Variants in TBC1D10B observed in about 807,000 individuals in gnomAD.
TBC1D10B encodes TBC1 domain family member 10B.
Under a neutral mutation model 78.4 loss-of-function variants are expected in TBC1D10B, and 25 were observed. The ratio of observed to expected loss-of-function variants is 0.32; its 90% CI spans 0.23 to 0.45. The LOEUF (loss-of-function observed/expected upper bound fraction) is 0.45. Ranked by LOEUF, TBC1D10B falls within the 20% of genes least tolerant of loss-of-function variation. The probability of loss-of-function intolerance (pLI) is 1.00; values close to 1 mark genes in which losing one functional copy is unlikely to be tolerated. For synonymous variants in TBC1D10B, 517 were observed against 478.0 expected, an observed-to-expected ratio of 1.08 and a Z score of -1.06; for missense variants, 996 against 1,104.8, an observed-to-expected ratio of 0.90 and a Z score of 1.40.
rs780050189 is a variant in TBC1D10B, at chr16:30,358,360, G to T, written c.2011C>A (p.Arg671=). The T allele has an allele frequency of 1.3e-6, 2 of 1,559,074 alleles. No homozygotes were observed. Among genetic ancestry groups the T allele is most frequent in the Non-Finnish European group, 1.7e-6 (2 of 1,151,846 alleles). ...GGGGACGGGGCCCCTCCAGCTGCCC[G>T]GGAGCCTCGGCTCTTGAGGCCAGGG... ...SLPGLKSRGS[R]AAGGAPSPPP... is the part of the protein sequence containing the mutation. Residue 671 remains arginine (R), a synonymous_variant, in exon 9 of 9, where the codon CGG becomes AGG. Transcript: ENST00000409939.
chr16:30,358,325 G>A lies in TBC1D10B; in HGVS notation c.2046C>T (p.Pro682=), dbSNP rs201703707. ...AAGGAPSPPP[P]VRRASAGPAP... ...CAGGCCCAGCACTGGCTCTGCGGAC[G>A]GGGGGCGGCGGGGACGGGGCCCCTC... The change falls in exon 9 of 9, where the codon CCC becomes CCT. Residue 682 remains proline, a synonymous_variant. Transcript: ENST00000409939. The A allele has an allele frequency of 5.0e-5, 79 of 1,566,870 alleles. 2 individuals carry two copies. Among genetic ancestry groups the A allele is most frequent in the African/African-American group, 1.8e-4 (13 of 73,806 alleles).
In TBC1D10B at chr16:30,365,578, C is replaced by T. The variant is rs778049405; in HGVS notation, c.973G>A (p.Val325Met). 3.1e-6 allele frequency: 5 copies of T among 1,613,946 alleles called. No homozygotes were observed. Among genetic ancestry groups the T allele is most frequent in the East Asian group, 2.2e-5 (1 of 44,884 alleles). The change falls in exon 2 of 9, where the codon GTG (valine) becomes ATG (methionine). Residue 325 changes from valine to methionine, a missense_variant. This residue lies in a region of TBC1D10B where 448 missense variants were observed against 442.1 expected (regional missense o/e 1.01). Transcript: ENST00000409939. The surrounding 1 kb of genome is among the most constrained non-coding windows in gnomAD (Gnocchi z 5.0). ...YSGSLESSIP[V>M]DVARQRELKW... ...AGCTCCCGCTGCCGAGCCACGTCCA[C>T]GGGAATGGAGCTCTCTCTGCAGGGT...
Position 30,365,996 on chromosome 16 carries a change from G to A in TBC1D10B, c.957-402C>T, listed in dbSNP as rs966871037. 3.1e-5 allele frequency: 7 copies of A among 226,768 alleles called. No homozygotes were observed. The highest frequency in any genetic ancestry group is 1.3e-4 in the South Asian group (2 of 15,456). The allele number at this position is 226,768 out of a possible 1,614,324, so 14.0% of individuals were successfully genotyped here. ...GTGGAGAAAGTAACAATATCTACCCGAAGGGGTTTATACGAAATAACACAC... is the reference window on the plus strand; with the variant it reads ...GTGGAGAAAGTAACAATATCTACCCAAAGGGGTTTATACGAAATAACACAC... On this transcript the variant is annotated intron_variant, in intron 1 of 8. Transcript: ENST00000409939. The surrounding 1 kb of genome is among the most constrained non-coding windows in gnomAD (Gnocchi z 5.0).
intron 4 of TBC1D10B, chr16:30,360,251 G>C (rs975320064): frequency 2.3e-5 from 4 of 171,706 alleles, no homozygotes; most frequent in African/African-American, 9.5e-5. Context: ...TGGTTCTTGG[G>C]GAAGGCTTGG....
At position 30,359,296 on chromosome 16, in the gene TBC1D10B, A is replaced by C; in HGVS notation, c.1518T>G (p.His506Gln). ...ALLRRASPLA[H>Q]RHLRRQRIDP... Reference sequence around the variant, plus strand: ...CAATGCGCTGCCGCCGCAGGTGGCGATGCGCCAGCGGGGAGGCCCGGCGCA... The same window carrying C: ...CAATGCGCTGCCGCCGCAGGTGGCGCTGCGCCAGCGGGGAGGCCCGGCGCA... Residue 506 changes from histidine to glutamine, a missense_variant, in exon 7 of 9, where the codon CAT (histidine) becomes CAG (glutamine). Physicochemically the swap from His to Gln is conservative, Grantham distance 24. Around this residue, in one of 5 missense-constraint regions of TBC1D10B, gnomAD observed 168 missense variants for 238.7 expected, o/e 0.70. Transcript: ENST00000409939. 1 of 1,605,300 alleles carries C rather than the reference A, an allele frequency of 6.2e-7. No individual in the cohort carries two copies. Among genetic ancestry groups the C allele is most frequent in the South Asian group, 1.1e-5 (1 of 89,738 alleles).
At chr16:30,362,674 G>A (rs967572171) in intron 4 of TBC1D10B, among the ~76,000 whole-genome samples, 3 of 152,156 alleles carry the variant, frequency 2.0e-5, no homozygotes, top group African/African-American at 7.2e-5. Context: ...CATCTGCCCT[G>A]AAATCCAGGT....
In TBC1D10B at chr16:30,365,684, C is replaced by T. The variant is rs915452654; in HGVS notation, c.957-90G>A. On this transcript the variant is annotated intron_variant, in intron 1 of 8. Coordinates refer to ENST00000409939, the MANE Select transcript of TBC1D10B (RefSeq NM_015527.4). The surrounding 1 kb of genome is among the most constrained non-coding windows in gnomAD (Gnocchi z 5.0). ...AACTGAGGCAAGCCACCTCCCCAAG[C>T]TCAAACGAGAAACTGGATAGTCTGT... is the stretch of plus-strand genomic sequence containing the variant. The T allele has an allele frequency of 1.1e-5, 14 of 1,234,096 alleles. No individual in the cohort carries two copies. The African/African-American group carries it at 2.1e-4, about 18-fold the overall frequency. The allele number at this position is 1,234,096 out of a possible 1,614,324, so 76.4% of individuals were successfully genotyped here. A position where few individuals can be genotyped will look rare whatever the true frequency, so the allele number is the denominator to read the frequency against.
In TBC1D10B at chr16:30,370,022, G is replaced by A; in HGVS notation, c.162C>T (p.Ala54=). 1.6e-6 allele frequency: 2 copies of A among 1,231,870 alleles called. No homozygotes were observed. Among genetic ancestry groups the A allele is most frequent in the Non-Finnish European group, 2.0e-6 (2 of 987,724 alleles). 76.3% of individuals were successfully genotyped at this position (1,231,870 alleles called of 1,614,324 possible). Residue 54 remains alanine, a synonymous_variant, in exon 1 of 9, where the codon GCC becomes GCT. Coordinates refer to ENST00000409939, the MANE Select transcript of TBC1D10B (RefSeq NM_015527.4). ...CCCAGGCGGGCCGCGCCTCCCCGGG[G>A]GCCACCAGGGTGACGGGGGCCGAAG... is the stretch of plus-strand genomic sequence containing the variant. ...TATSAPVTLV[A]PGEARPAWVP... is the part of the protein sequence containing the mutation.
At chr16:30,359,423 C>T in intron 6 of TBC1D10B, 62 bp from the exon 7 acceptor site, 1 of 1,545,508 alleles carries the variant, frequency 6.5e-7, no homozygotes, top group Non-Finnish European at 8.8e-7. Flanking sequence ...CAGGGGAGAA[C>T]TGGCCGGCCC....
chr16:30,358,560 G>T lies in TBC1D10B; in HGVS notation c.1811C>A (p.Pro604Gln). Residue 604 changes from proline to glutamine, a missense_variant, in exon 9 of 9, where the codon CCG becomes CAG. Pro to Gln is a moderately conservative substitution (Grantham distance 76). Around this residue, in one of 5 missense-constraint regions of TBC1D10B, gnomAD observed 168 missense variants for 238.7 expected, o/e 0.70. Transcript: ENST00000409939. The part of the protein sequence containing the change: ...DFLVHEVTNL[P>Q]VTEALIEREN... ...CCGCTCAATCAGTGCTTCTGTCACC[G>T]GCAGATTGGTCACCTGCACAGAGAG... is the stretch of plus-strand genomic sequence containing the variant. 2 of 1,599,906 alleles carry T rather than the reference G, an allele frequency of 1.3e-6. No homozygotes were observed. The highest frequency in any genetic ancestry group is 1.7e-6 in the Non-Finnish European group (2 of 1,169,248).
At position 30,370,081 on chromosome 16, in the gene TBC1D10B, C is replaced by T. The variant is rs1330072415; in HGVS notation, c.103G>A (p.Val35Met). ...PRGSRAGPVV[V>M]VAPGPPVTTA... ...GTCACTGGAGGTCCCGGAGCCACCA[C>T]CACGACGGGCCCGGCCCGGGAACCC... Residue 35 changes from valine (V) to methionine (M), a missense_variant, in exon 1 of 9, where the codon GTG becomes ATG. Physicochemically the swap from Val to Met is conservative, Grantham distance 21. This residue lies in a region of TBC1D10B where 448 missense variants were observed against 442.1 expected (regional missense o/e 1.01). Coordinates refer to ENST00000409939, the MANE Select transcript of TBC1D10B (RefSeq NM_015527.4). 2 of 1,225,996 alleles carry T rather than the reference C, an allele frequency of 1.6e-6. No individual in the cohort carries two copies. Among genetic ancestry groups the T allele is most frequent in the African/African-American group, 1.6e-5 (1 of 64,040 alleles). 75.9% of individuals were successfully genotyped at this position (1,225,996 alleles called of 1,614,324 possible). A position where few individuals can be genotyped will look rare whatever the true frequency, so the allele number is the denominator to read the frequency against.
At position 30,369,520 on chromosome 16, in the gene TBC1D10B, C is replaced by T; in HGVS notation, c.664G>A (p.Gly222Arg). 1 of 1,550,914 alleles carries T rather than the reference C, an allele frequency of 6.4e-7. No individual in the cohort carries two copies. Among genetic ancestry groups the T allele is most frequent in the Non-Finnish European group, 8.7e-7 (1 of 1,146,830 alleles). Residue 222 changes from glycine (G) to arginine (R), a missense_variant, in exon 1 of 9, where the codon GGG (glycine) becomes AGG (arginine). Coordinates refer to ENST00000409939, the MANE Select transcript of TBC1D10B (RefSeq NM_015527.4). This position sits in a 1 kb window ranked among gnomAD's most constrained non-coding sequence, Gnocchi z 4.3. ...DPSGPGTGPS[G>R]TCEAPVAVVT... ...ACAGCTACCGGAGCCTCACAAGTCCCAGAGGGGCCTGTGCCAGGGCCTGAG... is the reference window on the plus strand; with the variant it reads ...ACAGCTACCGGAGCCTCACAAGTCCTAGAGGGGCCTGTGCCAGGGCCTGAG...
rs1244078531 is a variant in TBC1D10B, at chr16:30,358,359, C to T, written c.2012G>A (p.Arg671Gln). The change falls in exon 9 of 9, where the codon CGG becomes CAG. Residue 671 changes from arginine to glutamine, a missense_variant. Transcript: ENST00000409939. Reference sequence around the variant, plus strand: ...CGGGGACGGGGCCCCTCCAGCTGCCCGGGAGCCTCGGCTCTTGAGGCCAGG... The same window carrying T: ...CGGGGACGGGGCCCCTCCAGCTGCCTGGGAGCCTCGGCTCTTGAGGCCAGG... ...SLPGLKSRGS[R>Q]AAGGAPSPPP... The T allele has an allele frequency of 1.2e-5, 19 of 1,558,422 alleles. No homozygotes were observed. Among genetic ancestry groups the T allele is most frequent in the South Asian group, 5.9e-5 (5 of 84,644 alleles).
chr16:30,358,592 C>G lies in TBC1D10B; in HGVS notation c.1798-19G>C, dbSNP rs540942260. The G allele has an allele frequency of 1.9e-6, 3 of 1,591,224 alleles. No individual in the cohort carries two copies. Among genetic ancestry groups the G allele is most frequent in the African/African-American group, 1.3e-5 (1 of 74,748 alleles). Reference sequence around the variant, plus strand: ...TGGTCACCTGCACAGAGAGGAAATGCGTACCAGAATGGAGCTGAGGGTGGG... The same window carrying G: ...TGGTCACCTGCACAGAGAGGAAATGGGTACCAGAATGGAGCTGAGGGTGGG... On this transcript the variant is annotated intron_variant, in intron 8 of 8. Transcript: ENST00000409939.
At chr16:30,361,975 T>C (rs2049601947) in intron 4 of TBC1D10B, among the ~76,000 whole-genome samples, 1 of 151,976 alleles carries the variant, frequency 6.6e-6, no homozygotes, top group Admixed American at 6.6e-5. Flanking sequence ...GCCTCCCGAG[T>C]AGCTGCAACT....
chr16:30,362,757 G>C (rs1389161268), intron 4 of TBC1D10B, among the ~76,000 whole-genome samples: 1 of 152,166 alleles, frequency 6.6e-6, no homozygotes, highest in Non-Finnish European at 1.5e-5. Context: ...AATGTTCCCT[G>C]CCGGGCATGG....
chr16:30,358,233 G>A lies in TBC1D10B; in HGVS notation c.2138C>T (p.Thr713Ile). ...PSLPSPTGNS[T>I]PLGSSKETRK... ...GGTCTCCTTGCTGGAACCCAAGGGGGTGCTATTGCCAGTGGGTGAGGGAAG... is the reference window on the plus strand; with the variant it reads ...GGTCTCCTTGCTGGAACCCAAGGGGATGCTATTGCCAGTGGGTGAGGGAAG... The change falls in exon 9 of 9, where the codon ACC becomes ATC. Residue 713 changes from threonine (T) to isoleucine (I), a missense_variant. By Grantham distance (89) the Thr-to-Ile change is moderately conservative (BLOSUM62 -1). Transcript: ENST00000409939. The A allele has an allele frequency of 1.3e-6, 2 of 1,557,118 alleles. No individual in the cohort carries two copies. Among genetic ancestry groups the A allele is most frequent in the Non-Finnish European group, 1.7e-6 (2 of 1,149,996 alleles).
At position 30,359,598 on chromosome 16, in the gene TBC1D10B, G is replaced by C. The variant is rs903113869; in HGVS notation, c.1392C>G (p.Ala464=). The C allele has an allele frequency of 4.5e-6, 7 of 1,561,106 alleles. No homozygotes were observed. The Admixed American group carries it at 7.7e-5, about 17-fold the overall frequency. Reference sequence around the variant, plus strand: ...CGCAGATCTGCACCAGGCACCAAAAGGCTTGCTGAGAAGAGCAAGAACAAG... The same window carrying C: ...CGCAGATCTGCACCAGGCACCAAAACGCTTGCTGAGAAGAGCAAGAACAAG... ...VLLMHMPAEQ[A]FWCLVQICDK... Residue 464 remains alanine (A), a synonymous_variant, in exon 6 of 9, where the codon GCC becomes GCG. Coordinates refer to ENST00000409939, the MANE Select transcript of TBC1D10B (RefSeq NM_015527.4).
At chr16:30,360,050 T>C (rs1450713660) in intron 4 of TBC1D10B, 3 of 563,846 alleles carry the variant, frequency 5.3e-6, no homozygotes, top group East Asian at 5.9e-5. Flanking sequence ...CACATGCTCC[T>C]GGCCATCCCA....
Sources: gnomAD v4.1 joint callset for allele counts (sites outside exome capture counted in the v4.1 genomes callset) on GRCh38, gnomAD v4.1.1 for gene constraint, gnomAD v4.1.1 regional missense constraint, Gnocchi (gnomAD v3.1) non-coding constraint, MANE v1.5 for transcripts, NCBI Gene and HGNC (gene_info 2026-07-23, HGNC 2026-07-21) for gene names.